The following ZC3H12C variants were observed in gnomAD, a reference collection of about 807,000 sequenced individuals.
ZC3H12C encodes the protein zinc finger CCCH-type containing 12C, also known as probable ribonuclease ZC3H12C.
A neutral mutation model predicts 76.3 loss-of-function variants in ZC3H12C; 20 were observed. The ratio of observed to expected loss-of-function variants is 0.26; its 90% confidence interval spans 0.18 to 0.38. The LOEUF (loss-of-function observed/expected upper bound fraction) is 0.38, where lower values mean the gene tolerates loss of function less well. Among genes scored for constraint, ZC3H12C ranks in the 10% least tolerant of loss-of-function variants. The pLI, the probability that ZC3H12C is intolerant of heterozygous loss-of-function variation, is 1.00. For missense variants in ZC3H12C, 874 were observed against 1,086.5 expected (o/e 0.80, Z 2.75); for synonymous variants, 352 against 399.6 (o/e 0.88, Z 1.42).
rs1862533531 is a variant in ZC3H12C, at chr11:110,164,228, C to G, written c.1256-113C>G. 1.1e-6 allele frequency: 1 copy of G among 946,694 alleles called. No homozygotes were observed. Among genetic ancestry groups the G allele is most frequent in the Non-Finnish European group, 1.5e-6 (1 of 651,598 alleles). The allele number at this position is 946,694 out of a possible 1,614,324, so 58.6% of individuals were successfully genotyped here. ...GAGTAAAGAACAGAGTGACACTTAG[C>G]ACAGCTCCCATTTCTATCGTTGTCT... On this transcript the variant is annotated intron_variant, in intron 5 of 5. Transcript: ENST00000278590. This position sits in a 1 kb window ranked among gnomAD's most constrained non-coding sequence, Gnocchi z 5.7.
chr11:110,158,267 T>C (rs2134196283), intron 3 of ZC3H12C, among the ~76,000 whole-genome samples: 1 of 152,264 alleles, frequency 6.6e-6, no homozygotes, highest in Admixed American at 6.5e-5. Context: ...CCCAGCACTT[T>C]GGGAGGCTGA....
At chr11:110,130,126 TTTAA>T (rs1861834033) in intron 1 of ZC3H12C, among the ~76,000 whole-genome samples, 1 of 152,190 alleles carries the variant, frequency 6.6e-6, no homozygotes, top group Non-Finnish European at 1.5e-5. Context: ...TTTGCTTCTC[TTTAA>T]TTACGTGGTT....
Position 110,164,535 on chromosome 11 carries a change from C to T in ZC3H12C, c.1450C>T (p.Arg484Ter), listed in dbSNP as rs1297154702. 8.1e-6 allele frequency: 13 copies of T among 1,613,830 alleles called. No homozygotes were observed. The highest frequency in any genetic ancestry group is 1.1e-5 in the Non-Finnish European group (13 of 1,179,894). Residue 484 changes from arginine to a stop codon, truncating the protein, a stop_gained, in exon 6 of 6, where the codon CGA becomes TGA. Transcript: ENST00000278590. LOFTEE classifies it high-confidence loss of function. This position sits in a 1 kb window ranked among gnomAD's most constrained non-coding sequence, Gnocchi z 5.7. ...GGCTGATAGCACTTCTGATGTCAAA[C>T]GAGGTGCTCCAAAGAGGCAATCAGA... ...TKADSTSDVK[R>*]GAPKRQSDPS...
intron 2 of ZC3H12C, among the ~76,000 whole-genome samples, chr11:110,151,244 G>A (rs1380380204): frequency 6.6e-6 from 1 of 152,080 alleles, no homozygotes; most frequent in Non-Finnish European, 1.5e-5. Flanking sequence ...AATTATTTAG[G>A]AGATAGAATT....
chr11:110,132,202 A>G (rs1424297940), intron 1 of ZC3H12C, among the ~76,000 whole-genome samples: 1 of 152,190 alleles, frequency 6.6e-6, no homozygotes, highest in African/African-American at 2.4e-5. Flanking sequence ...ATTCCTGATT[A>G]ATATGAGGCT....
rs371109666 is a variant in ZC3H12C, at chr11:110,171,693, C to T, written c.*5956C>T. 3.9e-5 allele frequency: 6 copies of T among 152,230 alleles called. No individual in the cohort carries two copies. Among genetic ancestry groups the T allele is most frequent in the Middle Eastern group, 6.8e-3 (2 of 294 alleles). The allele number at this position is 152,230 out of a possible 1,614,324, so 9.4% of individuals were successfully genotyped here. ...ATCATAGATGCTAAATAAATAAAAG[C>T]ATCATACTTCTCTAGTTTGCCTGCA... On this transcript the variant is annotated 3_prime_UTR_variant, in exon 6 of 6. Transcript: ENST00000278590.
At chr11:110,141,721 C>T (rs1460185372) in intron 2 of ZC3H12C, among the ~76,000 whole-genome samples, 1 of 152,030 alleles carries the variant, frequency 6.6e-6, no homozygotes, top group Admixed American at 6.6e-5. Context: ...TGTGTCTAGC[C>T]CAAATTGAGA....
chr11:110,131,357 C>T (rs907776978), intron 1 of ZC3H12C: 11 of 436,018 alleles, frequency 2.5e-5, no homozygotes, highest in South Asian at 2.2e-4. Flanking sequence ...TTAGGCATGG[C>T]GTATAATCAT....
At position 110,136,669 on chromosome 11, in the gene ZC3H12C, G is replaced by A. The variant is rs201314969; in HGVS notation, c.28G>A (p.Gly10Arg). The change falls in exon 2 of 6, where the codon GGG becomes AGG. Residue 10 changes from glycine (G) to arginine (R), a missense_variant. By Grantham distance (125) the Gly-to-Arg change is moderately radical (BLOSUM62 -2). Coordinates refer to ENST00000278590, the MANE Select transcript of ZC3H12C (RefSeq NM_033390.2). ...ATTTTACATTTTTCTCTAGGAATAC[G>A]GGGTGCTTTGCATTCAGGAATACAG... MPGGGSQEYGVLCIQEYRKN... is the reference protein window; with the variant it reads MPGGGSQEYRVLCIQEYRKN... The A allele has an allele frequency of 9.6e-5, 155 of 1,611,290 alleles. No homozygotes were observed. The highest frequency in any genetic ancestry group is 8.4e-4 in the African/African-American group (63 of 74,904).
At chr11:110,131,177 T>C in intron 1 of ZC3H12C, 2 of 1,176,110 alleles carry the variant, frequency 1.7e-6, no homozygotes, top group Non-Finnish European at 2.4e-6. Flanking sequence ...TAATTTGAAC[T>C]CTGTAAAAGA....
intron 1 of ZC3H12C, among the ~76,000 whole-genome samples, chr11:110,103,233 T>C (rs1023816114): frequency 6.6e-6 from 1 of 152,190 alleles, no homozygotes; most frequent in Non-Finnish European, 1.5e-5. Flanking sequence ...CAATACACAT[T>C]TGTCTTTGAA....
In ZC3H12C at chr11:110,164,463, A is replaced by G. The variant is rs1862539573; in HGVS notation, c.1378A>G (p.Asn460Asp). The change falls in exon 6 of 6, where the codon AAC (asparagine) becomes GAC (aspartate). Residue 460 changes from asparagine to aspartate, a missense_variant. Asn to Asp is a conservative substitution (Grantham distance 23). This residue lies in a region of ZC3H12C where 269 missense variants were observed against 424.9 expected (regional missense o/e 0.63). Transcript: ENST00000278590. The surrounding 1 kb of genome is among the most constrained non-coding windows in gnomAD (Gnocchi z 5.7). ...MSRNTAAKTA[N>D]EGGLVKSNSV... Reference sequence around the variant, plus strand: ...TAGAAATACGGCAGCCAAAACTGCAAACGAAGGAGGACTGGTGAAAAGCAA... The same window carrying G: ...TAGAAATACGGCAGCCAAAACTGCAGACGAAGGAGGACTGGTGAAAAGCAA... The G allele has an allele frequency of 5.0e-6, 8 of 1,614,030 alleles. No individual in the cohort carries two copies. Among genetic ancestry groups the G allele is most frequent in the Non-Finnish European group, 6.8e-6 (8 of 1,179,904 alleles).
In ZC3H12C at chr11:110,163,439, T is replaced by G. The variant is rs1862517690; in HGVS notation, c.1255+60T>G. On this transcript the variant is annotated intron_variant, in intron 5 of 5. Coordinates refer to ENST00000278590, the MANE Select transcript of ZC3H12C (RefSeq NM_033390.2). ...TAGAACACAATATATTATTAAACTTTTGTTAACAAAAATGAACACTTAAAA... is the reference window on the plus strand; with the variant it reads ...TAGAACACAATATATTATTAAACTTGTGTTAACAAAAATGAACACTTAAAA... 2.9e-6 allele frequency: 4 copies of G among 1,391,254 alleles called. No homozygotes were observed. The East Asian group carries it at 1.0e-4, about 35-fold the overall frequency. 86.2% of individuals were successfully genotyped at this position (1,391,254 alleles called of 1,614,324 possible).
intron 1 of ZC3H12C, among the ~76,000 whole-genome samples, chr11:110,119,919 A>G (rs2134162032): frequency 6.6e-6 from 1 of 152,312 alleles, no homozygotes; most frequent in South Asian, 2.1e-4. Flanking sequence ...TTTGTTTCCA[A>G]TATATGAATT....
rs1257735661 is a variant in ZC3H12C, at chr11:110,106,255, G to A, written c.21+12823G>A. On this transcript the variant is annotated intron_variant, in intron 1 of 5. Coordinates refer to ENST00000278590, the MANE Select transcript of ZC3H12C (RefSeq NM_033390.2). ...TGCACTCCAGCCTGGGCGACAGAGC[G>A]AGACTCCGTCTCAAAAAAAATAAAT... Among the ~76,000 whole-genome samples, 4 of 14,132 alleles carry A rather than the reference G, an allele frequency of 2.8e-4. 1 individual carries two copies. Among genetic ancestry groups the A allele is most frequent in the Admixed American group, 8.8e-4 (1 of 1,132 alleles). 9.3% of individuals were successfully genotyped at this position (14,132 alleles called of 152,430 possible). A position where few individuals can be genotyped will look rare whatever the true frequency, so the allele number is the denominator to read the frequency against.
At chr11:110,141,796 T>C (rs1440242464) in intron 2 of ZC3H12C, among the ~76,000 whole-genome samples, 2 of 152,238 alleles carry the variant, frequency 1.3e-5, no homozygotes, top group Admixed American at 1.3e-4. Context: ...GTAAACTATT[T>C]GAATAACTTT....
rs1446280824 is a variant in ZC3H12C at position 110,169,002 on chromosome 11, G to GCTAA, written c.*3268_*3271dup. 2 of 152,066 alleles carry GCTAA rather than the reference G, an allele frequency of 1.3e-5. No individual in the cohort carries two copies. Among genetic ancestry groups the GCTAA allele is most frequent in the African/African-American group, 4.8e-5 (2 of 41,418 alleles). 9.4% of individuals were successfully genotyped at this position (152,066 alleles called of 1,614,324 possible). ...GGGGTTGGGGGGAGTGCTTCTGATG[G>GCTAA]CTAACTTTTCTCTAATTAAACTATG... On this transcript the variant is annotated 3_prime_UTR_variant, in exon 6 of 6. Transcript: ENST00000278590.
At chr11:110,121,604 T>C (rs997055295) in intron 1 of ZC3H12C, among the ~76,000 whole-genome samples, 3 of 152,196 alleles carry the variant, frequency 2.0e-5, no homozygotes, top group African/African-American at 7.2e-5. Context: ...CAGTTCCTTT[T>C]TTTTTTCTAG....
rs751438942 is a variant in ZC3H12C at position 110,165,162 on chromosome 11, G to A, written c.2077G>A (p.Glu693Lys). The A allele has an allele frequency of 1.9e-6, 3 of 1,613,772 alleles. No individual in the cohort carries two copies. The highest frequency in any genetic ancestry group is 2.2e-5 in the East Asian group (1 of 44,888). Residue 693 changes from glutamate to lysine, a missense_variant, in exon 6 of 6, where the codon GAA (glutamate) becomes AAA (lysine). By Grantham distance (56) the Glu-to-Lys change is moderately conservative. Coordinates refer to ENST00000278590, the MANE Select transcript of ZC3H12C (RefSeq NM_033390.2). The part of the protein sequence containing the change: ...PLTRGQSYSH[E>K]EPKFHHKPPL... ...AACCAGAGGGCAAAGTTACAGTCACGAAGAACCAAAGTTCCATCACAAGCC... is the reference window on the plus strand; with the variant it reads ...AACCAGAGGGCAAAGTTACAGTCACAAAGAACCAAAGTTCCATCACAAGCC...
Sources: allele counts gnomAD v4.1 joint callset (sites outside exome capture counted in the v4.1 genomes callset), GRCh38; gene constraint gnomAD v4.1.1; regional missense constraint gnomAD v4.1.1; non-coding constraint Gnocchi (gnomAD v3.1); transcripts MANE v1.5; gene names NCBI Gene and HGNC (gene_info 2026-07-23, HGNC 2026-07-21).